Variants in PELP1 observed in about 807,000 individuals in gnomAD.
PELP1 encodes proline, glutamate and leucine rich protein 1, also known as proline-, glutamic acid- and leucine-rich protein 1.
In PELP1, 32 loss-of-function variants were observed where a neutral mutation model predicts 95.5. The observed-to-expected ratio is 0.34, with a 90% CI of 0.25 to 0.45. PELP1 has a LOEUF of 0.45. Among genes scored for constraint, PELP1 ranks in the 20% least tolerant of loss-of-function variants. PELP1 has a pLI of 1.00. For missense variants in PELP1, 1,358 were observed against 1,444.8 expected (o/e 0.94, Z 0.97); for synonymous variants, 668 against 600.1 (o/e 1.11, Z -1.65).
At chr17:4,682,616 A>G (rs763831800) in intron 4 of PELP1, 43 bp from the exon 5 acceptor site, 1 of 1,526,444 alleles carries the variant, frequency 6.6e-7, no homozygotes, top group Non-Finnish European at 9.1e-7. Flanking sequence ...TGCGAGCACC[A>G]TGTCACCATA....
intron 1 of PELP1, among the ~76,000 whole-genome samples, chr17:4,693,498 A>G (rs1913186363): frequency 6.6e-6 from 1 of 152,236 alleles, no homozygotes; most frequent in Non-Finnish European, 1.5e-5. Flanking sequence ...CACTAATAAT[A>G]CAGTACAGCA....
Position 4,677,713 on chromosome 17 carries a change from G to A in PELP1, c.643-901C>T, listed in dbSNP as rs530661655. On this transcript the variant is annotated intron_variant, in intron 5 of 16. Coordinates refer to ENST00000572293, the MANE Select transcript of PELP1 (RefSeq NM_014389.3). The stretch of plus-strand genomic sequence containing the variant: ...GGAGGTCAAGGCAGGCGGATCACTT[G>A]AGCCAAGGAGTTTGAGACCAGTCTG... Among the ~76,000 whole-genome samples, 10 of 152,294 alleles carry A rather than the reference G, an allele frequency of 6.6e-5. No individual in the cohort carries two copies. The South Asian group carries it at 1.7e-3, about 25-fold the overall frequency.
Position 4,679,076 on chromosome 17 carries a change from G to C in PELP1, c.643-2264C>G, listed in dbSNP as rs143700263. On this transcript the variant is annotated intron_variant, in intron 5 of 16. Transcript: ENST00000572293. ...GGGTCTCACTCTGTTACCCAGGCTA[G>C]AGTGCAGTGCCACGATCTCAGCTCA... Among the ~76,000 whole-genome samples, 862 of 151,502 alleles carry C rather than the reference G, an allele frequency of 5.7e-3. 9 individuals carry two copies. Among genetic ancestry groups the C allele is most frequent in the African/African-American group, 0.02 (826 of 41,256 alleles).
chr17:4,702,410 C>A (rs1913576637), intron 1 of PELP1, among the ~76,000 whole-genome samples: 1 of 151,806 alleles, frequency 6.6e-6, no homozygotes, highest in Non-Finnish European at 1.5e-5. Flanking sequence ...CAGAGTAAGA[C>A]CTTGTCTCAA....
chr17:4,675,886 T>C lies in PELP1; in HGVS notation c.981-2A>G. ...GACACGGGAGCTCCAAACTCAGAGC[T>C]AAAGAGAATCAGAGCAGGGAGACCT... On this transcript the variant is annotated splice_acceptor_variant, in intron 8 of 16. Transcript: ENST00000572293. LOFTEE classifies it high-confidence loss of function. This position sits in a 1 kb window ranked among gnomAD's most constrained non-coding sequence, Gnocchi z 4.3. 1 of 1,589,930 alleles carries C rather than the reference T, an allele frequency of 6.3e-7. No homozygotes were observed. Among genetic ancestry groups the C allele is most frequent in the Non-Finnish European group, 8.6e-7 (1 of 1,168,080 alleles).
chr17:4,692,050 G>A (rs1028760220), intron 1 of PELP1, among the ~76,000 whole-genome samples: 3 of 152,120 alleles, frequency 2.0e-5, no homozygotes, highest in Non-Finnish European at 2.9e-5. Flanking sequence ...CCCTAACGGC[G>A]TGCATCGTTC....
chr17:4,679,337 G>A lies in PELP1; in HGVS notation c.643-2525C>T, dbSNP rs567392700. Among the ~76,000 whole-genome samples the A allele has an allele frequency of 1.1e-4, 16 of 152,202 alleles. No individual in the cohort carries two copies. In the South Asian group the frequency reaches 1.2e-3, roughly 12 times the overall value. ...CAGGAACATTTGTTAGTTTGGAAAGGGTACTCAAAATGCAGGCCTTAAGTT... is the reference window on the plus strand; with the variant it reads ...CAGGAACATTTGTTAGTTTGGAAAGAGTACTCAAAATGCAGGCCTTAAGTT... On this transcript the variant is annotated intron_variant, in intron 5 of 16. Transcript: ENST00000572293.
In PELP1 at chr17:4,672,705, T is replaced by A. The variant is rs1314095203; in HGVS notation, c.2286A>T (p.Arg762Ser). The change falls in exon 16 of 17, where the codon AGA becomes AGT. Residue 762 changes from arginine (R) to serine (S), a missense_variant. Physicochemically the swap from Arg to Ser is moderately radical, Grantham distance 110. Transcript: ENST00000572293. ...PDETFGGRVPRPAFVHYDKEE... is the reference protein window; with the variant it reads ...PDETFGGRVPSPAFVHYDKEE... ...CCTTGTCATAGTGGACAAAGGCTGG[T>A]CTGGGCACTCTCCCCCCAAAAGTTT... 1 of 1,613,278 alleles carries A rather than the reference T, an allele frequency of 6.2e-7. No homozygotes were observed. The highest frequency in any genetic ancestry group is 1.1e-5 in the South Asian group (1 of 90,898).
At chr17:4,703,815 C>G in intron 1 of PELP1, 48 bp downstream of exon 1, 2 of 1,514,652 alleles carry the variant, frequency 1.3e-6, no homozygotes, top group Non-Finnish European at 1.8e-6. Context: ...GCACAGGTGC[C>G]GCGCCATCCT....
rs766638563 is a variant in PELP1 at position 4,676,166 on chromosome 17, G to A, written c.854-4C>T. On this transcript the variant is annotated splice_polypyrimidine_tract_variant and splice_region_variant and intron_variant, in intron 7 of 16. Transcript: ENST00000572293. ...GGGCCTTCATTCTGCACAGGAGCTG[G>A]CAGAAGCACAACTACCCTGTACACT... is the stretch of plus-strand genomic sequence containing the variant. 8 of 1,613,506 alleles carry A rather than the reference G, an allele frequency of 5.0e-6. No individual in the cohort carries two copies. In the South Asian group the frequency reaches 8.8e-5, roughly 18 times the overall value.
At position 4,670,215 on chromosome 17, in the gene PELP1, G is replaced by A. The variant is rs766668012; in HGVS notation, c.*1224C>T. ...TTAGCTCAAATGCCACCTCCTCAAA[G>A]GGCTCTTCAGGATACATGTTGGGAG... is the stretch of plus-strand genomic sequence containing the variant. On this transcript the variant is annotated 3_prime_UTR_variant, in exon 17 of 17. Transcript: ENST00000572293. 6.6e-6 allele frequency: 1 copy of A among 152,116 alleles called. No individual in the cohort carries two copies. The highest frequency in any genetic ancestry group is 1.5e-5 in the Non-Finnish European group (1 of 68,030). 9.4% of individuals were successfully genotyped at this position (152,116 alleles called of 1,614,324 possible).
chr17:4,694,878 GGAGAATCGCTTGAACCTGA>G (rs1409193661), intron 1 of PELP1, among the ~76,000 whole-genome samples: 2 of 151,902 alleles, frequency 1.3e-5, no homozygotes, highest in African/African-American at 2.4e-5. Flanking sequence ...GGCTAAGGAA[GGAGAATCGCTTGAACCTGA>G]GAGAATCGCT....
Position 4,672,816 on chromosome 17 carries a change from A to G in PELP1, c.2175T>C (p.Pro725=), listed in dbSNP as rs1437228984. The change falls in exon 16 of 17, where the codon CCT becomes CCC. Residue 725 remains proline, a synonymous_variant. Coordinates refer to ENST00000572293, the MANE Select transcript of PELP1 (RefSeq NM_014389.3). ...AGCCTGCCCGGTGGTTCTCAGGGCC[A>G]GGAAGAAGCCGGGGAGGGACAGACA... ...GLVSVPPRLL[P]GPENHRAGSN... 6 of 1,613,776 alleles carry G rather than the reference A, an allele frequency of 3.7e-6. No homozygotes were observed. The African/African-American group carries it at 6.7e-5, about 18-fold the overall frequency.
chr17:4,675,385 T>A lies in PELP1; in HGVS notation c.1069-23A>T. ...GCTCTGGAGAAAAAAGGGGCAGAGA[T>A]AAAGAGTGGAGGAAGAAAGTGAGAG... On this transcript the variant is annotated intron_variant, in intron 9 of 16. Coordinates refer to ENST00000572293, the MANE Select transcript of PELP1 (RefSeq NM_014389.3). The surrounding 1 kb of genome is among the most constrained non-coding windows in gnomAD (Gnocchi z 4.3). 3 of 1,383,500 alleles carry A rather than the reference T, an allele frequency of 2.2e-6. No individual in the cohort carries two copies. Among genetic ancestry groups the A allele is most frequent in the Non-Finnish European group, 3.0e-6 (3 of 997,572 alleles). The allele number at this position is 1,383,500 out of a possible 1,614,324, so 85.7% of individuals were successfully genotyped here.
At chr17:4,676,716 G>C (rs750616003) in intron 6 of PELP1, 37 bp downstream of exon 6, 2 of 1,530,988 alleles carry the variant, frequency 1.3e-6, no homozygotes, top group African/African-American at 2.8e-5. Flanking sequence ...TCCAGGCTCA[G>C]ATCCCCGGGC....
Position 4,676,712 on chromosome 17 carries a change from C to T in PELP1, c.702+41G>A. The T allele has an allele frequency of 2.0e-6, 3 of 1,522,042 alleles. 1 individual carries two copies. The South Asian group carries it at 3.6e-5, about 18-fold the overall frequency. 94.3% of individuals were successfully genotyped at this position (1,522,042 alleles called of 1,614,324 possible). A position where few individuals can be genotyped will look rare whatever the true frequency, so the allele number is the denominator to read the frequency against. On this transcript the variant is annotated intron_variant, in intron 6 of 16. Transcript: ENST00000572293. ...GAGGAGCAGCAAGAGACAATCCAGG[C>T]TCAGATCCCCGGGCTCTCCCTCTCC...
In PELP1 at chr17:4,673,630, C is replaced by T. The variant is rs746422037; in HGVS notation, c.1627G>A (p.Glu543Lys). Residue 543 changes from glutamate to lysine, a missense_variant, in exon 14 of 17, where the codon GAG (glutamate) becomes AAG (lysine). This residue lies in a region of PELP1 where 538 missense variants were observed against 628.1 expected (regional missense o/e 0.86). Transcript: ENST00000572293. The surrounding 1 kb of genome is among the most constrained non-coding windows in gnomAD (Gnocchi z 5.7). ...ILMCGPLIKE[E>K]THRRLHDLVL... is the part of the protein sequence containing the mutation. Reference sequence around the variant, plus strand: ...GAGGCTCCACTAACCCTGTGAGTCTCCTCCTTGATGAGAGGCCCACACATG... The same window carrying T: ...GAGGCTCCACTAACCCTGTGAGTCTTCTCCTTGATGAGAGGCCCACACATG... 4.5e-5 allele frequency: 72 copies of T among 1,613,788 alleles called. No homozygotes were observed. Among genetic ancestry groups the T allele is most frequent in the Non-Finnish European group, 5.8e-5 (69 of 1,179,820 alleles).
intron 1 of PELP1, among the ~76,000 whole-genome samples, chr17:4,693,490 CTAA>C (rs1161382814): frequency 1.3e-5 from 2 of 152,206 alleles, no homozygotes; most frequent in East Asian, 3.8e-4. Context: ...TTAACAACCA[CTAA>C]TAATACAGTA....
intron 5 of PELP1, among the ~76,000 whole-genome samples, chr17:4,681,533 A>G (rs1372608893): frequency 1.3e-5 from 2 of 151,644 alleles, no homozygotes; most frequent in Non-Finnish European, 2.9e-5. Flanking sequence ...CAGGCGCAGT[A>G]GCTAATGCCT....
Sources: allele counts gnomAD v4.1 joint callset (sites outside exome capture counted in the v4.1 genomes callset), GRCh38; gene constraint gnomAD v4.1.1; regional missense constraint gnomAD v4.1.1; non-coding constraint Gnocchi (gnomAD v3.1); transcripts MANE v1.5; gene names NCBI Gene and HGNC (gene_info 2026-07-23, HGNC 2026-07-21).